Variants in TMEM132D observed in about 807,000 individuals in gnomAD.
TMEM132D encodes the protein mature OL transmembrane protein.
In TMEM132D, 21 loss-of-function variants were observed where a neutral mutation model predicts 62.3. The ratio of observed to expected loss-of-function variants is 0.34; its 90% CI spans 0.24 to 0.49. The LOEUF is 0.49. Ranked by LOEUF, TMEM132D falls within the 20% of genes least tolerant of loss-of-function variation. The pLI is 0.99. For synonymous variants in TMEM132D, 621 were observed against 575.6 expected (o/e 1.08, Z -1.13); for missense variants, 1,346 against 1,402.8 (o/e 0.96, Z 0.65).
intron 5 of TMEM132D, among the ~76,000 whole-genome samples, chr12:129,178,432 TG>T (rs987131934): frequency 6.5e-5 from 7 of 107,126 alleles, no homozygotes; most frequent in African/African-American, 2.1e-4. Flanking sequence ...CACCAGCATC[TG>T]TTTTTTTTTT....
At chr12:129,270,314 C>A (rs575108494) in intron 4 of TMEM132D, among the ~76,000 whole-genome samples, 2 of 152,268 alleles carry the variant, frequency 1.3e-5, no homozygotes, top group Middle Eastern at 3.4e-3. Flanking sequence ...GTCTGGTTAC[C>A]ATAGAAACCC....
chr12:129,796,098 G>C (rs1314154740), intron 1 of TMEM132D, among the ~76,000 whole-genome samples: 2 of 152,124 alleles, frequency 1.3e-5, no homozygotes, highest in African/African-American at 4.8e-5. Flanking sequence ...ACTTTGGGAG[G>C]CTGAGGAGGG....
chr12:129,739,785 T>G (rs1173383019), intron 1 of TMEM132D, among the ~76,000 whole-genome samples: 2 of 152,178 alleles, frequency 1.3e-5, no homozygotes, highest in Admixed American at 1.3e-4. Context: ...ATATGAGGTC[T>G]TCTACAGATG....
intron 1 of TMEM132D, among the ~76,000 whole-genome samples, chr12:129,823,232 CA>C (rs1872582002): frequency 6.6e-6 from 1 of 152,162 alleles, no homozygotes; most frequent in African/African-American, 2.4e-5. Context: ...AACTGTGAGC[CA>C]AATAAACCTC....
At position 129,822,682 on chromosome 12, in the gene TMEM132D, G is replaced by A. The variant is rs147792515; in HGVS notation, c.79+80579C>T. ...GCCTCAGGAAACCTACAAGCGTGGC[G>A]GAAGGCACCTTCTCACAGGGCGGCA... On this transcript the variant is annotated intron_variant, in intron 1 of 8. Coordinates refer to ENST00000422113, the MANE Select transcript of TMEM132D (RefSeq NM_133448.3). 6.9e-3 allele frequency among the ~76,000 whole-genome samples: 1,045 copies of A among 152,266 alleles called. 15 individuals are homozygous for A. The highest frequency in any genetic ancestry group is 0.023 in the African/African-American group (963 of 41,554).
intron 1 of TMEM132D, among the ~76,000 whole-genome samples, chr12:129,810,019 T>TAGG (rs1565993897): frequency 6.6e-6 from 1 of 151,978 alleles, no homozygotes; most frequent in African/African-American, 2.4e-5. Context: ...CACGTATAAT[T>TAGG]AGGAGGAGGA....
At chr12:129,201,945 C>T (rs1358445994) in intron 5 of TMEM132D, among the ~76,000 whole-genome samples, 1 of 151,880 alleles carries the variant, frequency 6.6e-6, no homozygotes, top group Non-Finnish European at 1.5e-5. Flanking sequence ...TTTCCAACCT[C>T]TGAGAATCAC....
chr12:129,629,146 C>T lies in TMEM132D; in HGVS notation c.968+70664G>A, dbSNP rs533675290. ...TGCCTTCTACCATGGTGCCTTTGCA[C>T]CTGCCACTCCCTCCATCTGGGATAT... is the stretch of plus-strand genomic sequence containing the variant. On this transcript the variant is annotated intron_variant, in intron 2 of 8. Coordinates refer to ENST00000422113, the MANE Select transcript of TMEM132D (RefSeq NM_133448.3). Among the ~76,000 whole-genome samples, 33 of 152,204 alleles carry T rather than the reference C, an allele frequency of 2.2e-4. 1 individual carries two copies. The highest frequency in any genetic ancestry group is 7.7e-4 in the African/African-American group (32 of 41,536).
chr12:129,488,002 C>T (rs1436128937), intron 3 of TMEM132D, among the ~76,000 whole-genome samples: 1 of 140,938 alleles, frequency 7.1e-6, no homozygotes, highest in African/African-American at 2.6e-5. Flanking sequence ...TTAGGGAGAA[C>T]TTTAGGGAGA....
chr12:129,136,036 C>G (rs963472782), intron 5 of TMEM132D, among the ~76,000 whole-genome samples: 6 of 152,108 alleles, frequency 3.9e-5, no homozygotes, highest in African/African-American at 1.4e-4. Flanking sequence ...TTTTGGGGGA[C>G]ATAATTCAAC....
At chr12:129,647,696 A>G (rs1169376488) in intron 2 of TMEM132D, among the ~76,000 whole-genome samples, 1 of 152,132 alleles carries the variant, frequency 6.6e-6, no homozygotes, top group Non-Finnish European at 1.5e-5. Context: ...TCATATGCTT[A>G]TTGGCTGCTG....
rs148888460 is a variant in TMEM132D at position 129,893,033 on chromosome 12, C to T, written c.79+10228G>A. Among the ~76,000 whole-genome samples, 1,319 of 152,172 alleles carry T rather than the reference C, an allele frequency of 8.7e-3. 17 individuals are homozygous for T. The highest frequency in any genetic ancestry group is 0.03 in the African/African-American group (1,241 of 41,508). On this transcript the variant is annotated intron_variant, in intron 1 of 8. Transcript: ENST00000422113. ...CTGGCACTACAGGCACATGGCACCA[C>T]GCCCAGCTAATTTTTGTGCTTTTAG...
chr12:129,464,193 T>G (rs1873798717), intron 3 of TMEM132D, among the ~76,000 whole-genome samples: 1 of 151,798 alleles, frequency 6.6e-6, no homozygotes, highest in Non-Finnish European at 1.5e-5. Flanking sequence ...GGTATCTCAT[T>G]GTGGTTTTGA....
chr12:129,900,692 T>C (rs1308102151), intron 1 of TMEM132D, among the ~76,000 whole-genome samples: 5 of 152,114 alleles, frequency 3.3e-5, no homozygotes, highest in African/African-American at 1.2e-4. Context: ...TCCATACACC[T>C]GCCCCCTCCC....
chr12:129,818,380 G>A lies in TMEM132D; in HGVS notation c.79+84881C>T, dbSNP rs114372313. 8.1e-3 allele frequency among the ~76,000 whole-genome samples: 1,175 copies of A among 145,854 alleles called. 21 individuals carry two copies. The highest frequency in any genetic ancestry group is 0.029 in the African/African-American group (1,131 of 39,356). On this transcript the variant is annotated intron_variant, in intron 1 of 8. Coordinates refer to ENST00000422113, the MANE Select transcript of TMEM132D (RefSeq NM_133448.3). ...GGTGTATGTGTGTGTATGTGTGTGA[G>A]GTGTGTGTGATGTCGGGGGTGTGTG... is the stretch of plus-strand genomic sequence containing the variant.
rs577650620 is a variant in TMEM132D at position 129,198,691 on chromosome 12, T to G, written c.1443+10829A>C. 2.0e-5 allele frequency among the ~76,000 whole-genome samples: 3 copies of G among 152,254 alleles called. No individual in the cohort carries two copies. In the East Asian group the frequency reaches 5.8e-4, roughly 29 times the overall value. ...CAAGGCTTCAGTTAGCCAGAAAGAATAAGTTATTTTTTAAAAATCTATCTC... is the reference window on the plus strand; with the variant it reads ...CAAGGCTTCAGTTAGCCAGAAAGAAGAAGTTATTTTTTAAAAATCTATCTC... On this transcript the variant is annotated intron_variant, in intron 5 of 8. Transcript: ENST00000422113.
chr12:129,171,668 C>T (rs1357679785), intron 5 of TMEM132D, among the ~76,000 whole-genome samples: 4 of 152,196 alleles, frequency 2.6e-5, no homozygotes, highest in African/African-American at 4.8e-5. Flanking sequence ...AGATTCATCT[C>T]GCACATCTCC....
At chr12:129,411,670 T>C (rs1303244290) in intron 3 of TMEM132D, among the ~76,000 whole-genome samples, 1 of 152,216 alleles carries the variant, frequency 6.6e-6, no homozygotes, top group Non-Finnish European at 1.5e-5. Flanking sequence ...ATTGCTATTT[T>C]AAACAGCAGA....
At chr12:129,586,248 C>A (rs963340951) in intron 2 of TMEM132D, among the ~76,000 whole-genome samples, 2 of 150,876 alleles carry the variant, frequency 1.3e-5, no homozygotes. Flanking sequence ...CAGCCTTAGA[C>A]CTTATAGTCA....
Sources: allele counts gnomAD v4.1 joint callset (sites outside exome capture counted in the v4.1 genomes callset), GRCh38; gene constraint gnomAD v4.1.1; transcripts MANE v1.5; gene names NCBI Gene and HGNC (gene_info 2026-07-23, HGNC 2026-07-21).